SRRM4: variants seen among roughly 807,000 people sequenced by gnomAD.
The protein encoded by SRRM4 is serine/arginine repetitive matrix 4.
SRRM4 carries 33 observed loss-of-function variants against 68.9 expected under a neutral mutation model. That is an observed-to-expected ratio of 0.48 (90% CI 0.36 to 0.64). The LOEUF is 0.64. SRRM4 is among the 30% of genes least tolerant of loss of function. The pLI, the probability that SRRM4 is intolerant of heterozygous loss-of-function variation, is 0.00. For missense variants in SRRM4, 817 were observed against 827.1 expected (o/e 0.99, Z 0.15); for synonymous variants, 318 against 318.8 (o/e 1.00, Z 0.03).
chr12:119,064,995 T>C (rs1953836769), intron 1 of SRRM4, among the ~76,000 whole-genome samples: 1 of 152,220 alleles, frequency 6.6e-6, no homozygotes, highest in Admixed American at 6.5e-5. Flanking sequence ...TGCTTAGCAT[T>C]TAACTAACAT....
intron 7 of SRRM4, among the ~76,000 whole-genome samples, chr12:119,127,736 A>AAAAGAAAAG (rs10693050): frequency 0.033 from 4,788 of 142,978 alleles, 279 homozygotes; most frequent in African/African-American, 0.12. Flanking sequence ...CTCAAAAAAA[A>AAAAGAAAAG]AAAAGAAAAG....
chr12:119,059,299 C>A lies in SRRM4; in HGVS notation c.132-42937C>A, dbSNP rs11064649. Among the ~76,000 whole-genome samples the A allele has an allele frequency of 1.8e-3, 268 of 152,060 alleles. 6 individuals are homozygous for A. In the East Asian group the frequency reaches 0.045, roughly 26 times the overall value. ...TCATTCATTCATTTGTTCATTTGTT[C>A]ATTTTGTTTGTGTGACAGGTGCTGT... On this transcript the variant is annotated intron_variant, in intron 1 of 12. Transcript: ENST00000267260.
At chr12:119,029,896 T>G (rs1411659974) in intron 1 of SRRM4, among the ~76,000 whole-genome samples, 1 of 152,108 alleles carries the variant, frequency 6.6e-6, no homozygotes, top group Non-Finnish European at 1.5e-5. Flanking sequence ...CGAATTCTAA[T>G]GTAGGGGAAT....
rs79752489 is a variant in SRRM4, at chr12:119,079,633, G to A, written c.132-22603G>A. On this transcript the variant is annotated intron_variant, in intron 1 of 12. Transcript: ENST00000267260. The stretch of plus-strand genomic sequence containing the variant: ...GCACACTTAGCCTTGCCCTGTGGTC[G>A]CACACTTTGTCGGGAGAGTTGTGAG... Among the ~76,000 whole-genome samples the A allele has an allele frequency of 8.9e-3, 1,355 of 152,258 alleles. 21 individuals are homozygous for A. The highest frequency in any genetic ancestry group is 0.031 in the African/African-American group (1,281 of 41,552).
At position 119,160,277 on chromosome 12, in the gene SRRM4, G is replaced by GTCTCTCTCTC. The variant is rs1185496603; in HGVS notation, c.*3481_*3490dup. 1,528 of 131,048 alleles carry GTCTCTCTCTC rather than the reference G, an allele frequency of 0.012. 36 individuals carry two copies. The highest frequency in any genetic ancestry group is 0.042 in the African/African-American group (1,451 of 34,384). 8.1% of individuals were successfully genotyped at this position (131,048 alleles called of 1,614,324 possible). Reference sequence around the variant, plus strand: ...TCTCTCTCTCTCTGTCTCTCTCTCTGTCTCTCTCTCTGTCTCTCTCTCTCT... The same window carrying GTCTCTCTCTC: ...TCTCTCTCTCTCTGTCTCTCTCTCTGTCTCTCTCTCTCTCTCTCTCTGTCTCTCTCTCTCT... On this transcript the variant is annotated 3_prime_UTR_variant, in exon 13 of 13. Coordinates refer to ENST00000267260, the MANE Select transcript of SRRM4 (RefSeq NM_194286.4).
At chr12:119,151,275 T>A in intron 10 of SRRM4, 55 bp downstream of exon 10, 1 of 1,480,204 alleles carries the variant, frequency 6.8e-7, no homozygotes, top group Non-Finnish European at 9.5e-7. Flanking sequence ...GGAAATTAGT[T>A]AATTGCAGAT....
At position 119,156,637 on chromosome 12, in the gene SRRM4, C is replaced by G. The variant is rs758240290; in HGVS notation, c.1675C>G (p.Arg559Gly). 10 of 1,596,218 alleles carry G rather than the reference C, an allele frequency of 6.3e-6. No individual in the cohort carries two copies. Among genetic ancestry groups the G allele is most frequent in the African/African-American group, 1.3e-5 (1 of 74,450 alleles). The part of the protein sequence containing the change: ...YSRSRSRSRS[R>G]RRSRTRTSSS... ...CCGGAGCCGGAGTCGGAGCCGGAGC[C>G]GGAGACGGAGCCGGACCCGCACGAG... The change falls in exon 13 of 13, where the codon CGG (arginine) becomes GGG (glycine). Residue 559 changes from arginine to glycine, a missense_variant. Coordinates refer to ENST00000267260, the MANE Select transcript of SRRM4 (RefSeq NM_194286.4).
At chr12:119,031,687 C>A (rs1484308709) in intron 1 of SRRM4, among the ~76,000 whole-genome samples, 1 of 152,034 alleles carries the variant, frequency 6.6e-6, no homozygotes, top group Non-Finnish European at 1.5e-5. Context: ...TTTTTAAAGT[C>A]TTTTCAATTT....
At chr12:118,986,526 A>G (rs897578176) in intron 1 of SRRM4, among the ~76,000 whole-genome samples, 1 of 152,168 alleles carries the variant, frequency 6.6e-6, no homozygotes, top group Non-Finnish European at 1.5e-5. Context: ...AAACCCAGCA[A>G]CAGATTAGCT....
rs374438418 is a variant in SRRM4 at position 119,063,770 on chromosome 12, T to G, written c.132-38466T>G. On this transcript the variant is annotated intron_variant, in intron 1 of 12. Transcript: ENST00000267260. ...AATCTTGTGAGTAAGAGTAAAACCC[T>G]TCCCACTAATAGAAACAATTCAGTA... Among the ~76,000 whole-genome samples the G allele has an allele frequency of 5.3e-5, 8 of 152,170 alleles. No homozygotes were observed. The East Asian group carries it at 1.2e-3, about 22-fold the overall frequency.
intron 3 of SRRM4, among the ~76,000 whole-genome samples, chr12:119,115,395 A>T (rs1028895242): frequency 6.6e-6 from 1 of 152,088 alleles, no homozygotes; most frequent in Non-Finnish European, 1.5e-5. Context: ...TAGTGTGCCA[A>T]CTCCAGAGGG....
intron 10 of SRRM4, among the ~76,000 whole-genome samples, chr12:119,152,763 G>T (rs1954447572): frequency 6.6e-6 from 1 of 152,214 alleles, no homozygotes; most frequent in Non-Finnish European, 1.5e-5. Flanking sequence ...ACACTGCTGA[G>T]GGCACTGAGA....
chr12:119,076,820 T>C (rs1009577164), intron 1 of SRRM4, among the ~76,000 whole-genome samples: 3 of 152,196 alleles, frequency 2.0e-5, no homozygotes, highest in Non-Finnish European at 1.5e-5. Flanking sequence ...TAATTCTCGA[T>C]AGCAAACTCT....
At position 119,151,152 on chromosome 12, in the gene SRRM4, G is replaced by T; in HGVS notation, c.1212G>T (p.Ser404=). Reference sequence around the variant, plus strand: ...CCAGCACCCGATCCTCCAGTCACTCGTCCCGATCCCCAAATCCCAGGGCTT... The same window carrying T: ...CCAGCACCCGATCCTCCAGTCACTCTTCCCGATCCCCAAATCCCAGGGCTT... ...SYASTRSSSH[S]SRSPNPRASP... is the part of the protein sequence containing the mutation. The change falls in exon 10 of 13, where the codon TCG becomes TCT. Residue 404 remains serine (S), a synonymous_variant. Transcript: ENST00000267260. The T allele has an allele frequency of 6.2e-7, 1 of 1,613,888 alleles. No individual in the cohort carries two copies. Among genetic ancestry groups the T allele is most frequent in the Non-Finnish European group, 8.5e-7 (1 of 1,179,852 alleles).
intron 1 of SRRM4, among the ~76,000 whole-genome samples, chr12:119,013,936 T>G (rs1953465533): frequency 6.6e-6 from 1 of 152,162 alleles, no homozygotes; most frequent in Non-Finnish European, 1.5e-5. Flanking sequence ...CCTCCCCTTC[T>G]TCCCAACCCA....
chr12:118,983,997 A>G (rs937801598), intron 1 of SRRM4, among the ~76,000 whole-genome samples: 1 of 152,212 alleles, frequency 6.6e-6, no homozygotes, highest in Non-Finnish European at 1.5e-5. Context: ...AGCCTGAACC[A>G]TAAGCCCTGG....
chr12:119,156,406 T>G, intron 12 of SRRM4, 89 bp from the exon 13 acceptor site: 1 of 1,465,566 alleles, frequency 6.8e-7, no homozygotes, highest in Non-Finnish European at 9.0e-7. Context: ...AAAGGGAGGA[T>G]ATTGGTTTCC....
intron 1 of SRRM4, among the ~76,000 whole-genome samples, chr12:119,083,076 T>C (rs966162156): frequency 3.9e-5 from 6 of 152,108 alleles, no homozygotes; most frequent in Non-Finnish European, 8.8e-5. Flanking sequence ...TCCAGGGCAG[T>C]TGGGCAGTTG....
At chr12:119,093,645 T>C (rs1440431715) in intron 1 of SRRM4, among the ~76,000 whole-genome samples, 1 of 152,194 alleles carries the variant, frequency 6.6e-6, no homozygotes, top group African/African-American at 2.4e-5. Context: ...TTCTTGCCCA[T>C]GGTGACACAA....
Sources: gnomAD v4.1 joint callset for allele counts (sites outside exome capture counted in the v4.1 genomes callset) on GRCh38, gnomAD v4.1.1 for gene constraint, MANE v1.5 for transcripts, NCBI Gene and HGNC (gene_info 2026-07-23, HGNC 2026-07-21) for gene names.